SNTG1: variants seen among roughly 807,000 people sequenced by gnomAD.
SNTG1 encodes gamma-1-syntrophin.
SNTG1 carries 39 observed loss-of-function variants against 74.7 expected under a neutral mutation model. That is an observed-to-expected ratio of 0.52 (90% CI 0.40 to 0.68). The LOEUF (loss-of-function observed/expected upper bound fraction) is 0.68, where lower values mean the gene tolerates loss of function less well. Ranked by LOEUF, SNTG1 falls within the 30% of genes least tolerant of loss-of-function variation. SNTG1 has a pLI of 0.00. For missense variants in SNTG1, 685 were observed against 609.5 expected, an observed-to-expected ratio of 1.12 and a Z score of -1.30; for synonymous variants, 254 against 217.1, an observed-to-expected ratio of 1.17 and a Z score of -1.49.
intron 1 of SNTG1, among the ~76,000 whole-genome samples, chr8:50,025,264 T>TTTTAGATATCTATA (rs1470535556): frequency 6.6e-6 from 1 of 152,146 alleles, no homozygotes; most frequent in Non-Finnish European, 1.5e-5. Context: ...TATTCATTAA[T>TTTTAGATATCTATA]TTTAGATATC....
chr8:50,779,087 G>T (rs1177306263), intron 18 of SNTG1, among the ~76,000 whole-genome samples: 1 of 152,140 alleles, frequency 6.6e-6, no homozygotes, highest in African/African-American at 2.4e-5. Flanking sequence ...CCAGTACCAT[G>T]CTGTTTTGGT....
intron 2 of SNTG1, among the ~76,000 whole-genome samples, chr8:50,228,311 A>T (rs1413518533): frequency 1.3e-5 from 2 of 152,022 alleles, no homozygotes; most frequent in African/African-American, 4.8e-5. Flanking sequence ...AAACTATTAC[A>T]TACAGGTATG....
At chr8:50,784,303 T>C (rs2095668439) in intron 18 of SNTG1, among the ~76,000 whole-genome samples, 1 of 152,170 alleles carries the variant, frequency 6.6e-6, no homozygotes, top group South Asian at 2.1e-4. Context: ...TTATCCAAGC[T>C]TTATAGCTAA....
At chr8:50,111,135 A>G (rs1431789396) in intron 1 of SNTG1, among the ~76,000 whole-genome samples, 1 of 151,952 alleles carries the variant, frequency 6.6e-6, no homozygotes, top group African/African-American at 2.4e-5. Context: ...AATGCCTATG[A>G]GTGTTAGTGT....
At chr8:50,161,444 G>T (rs2082412908) in intron 1 of SNTG1, among the ~76,000 whole-genome samples, 1 of 152,164 alleles carries the variant, frequency 6.6e-6, no homozygotes, top group East Asian at 1.9e-4. Context: ...TCATGGCTTG[G>T]GGCATAAGAG....
intron 13 of SNTG1, among the ~76,000 whole-genome samples, chr8:50,625,146 C>T (rs914708341): frequency 2.0e-5 from 3 of 152,164 alleles, no homozygotes; most frequent in African/African-American, 7.2e-5. Context: ...CACATGTATA[C>T]ACTAAGTTCA....
chr8:50,251,490 C>A (rs868433219), intron 2 of SNTG1, among the ~76,000 whole-genome samples: 2 of 151,792 alleles, frequency 1.3e-5, no homozygotes, highest in Non-Finnish European at 2.9e-5. Flanking sequence ...AGATGCACTT[C>A]ACTGTTAAAC....
intron 9 of SNTG1, among the ~76,000 whole-genome samples, chr8:50,524,427 T>C (rs1000568232): frequency 2.0e-5 from 3 of 152,114 alleles, no homozygotes; most frequent in African/African-American, 4.8e-5. Flanking sequence ...CAAGAAATAA[T>C]CATGTTAATA....
intron 2 of SNTG1, among the ~76,000 whole-genome samples, chr8:50,363,331 T>A (rs1346271688): frequency 1.3e-5 from 2 of 152,104 alleles, no homozygotes; most frequent in African/African-American, 4.8e-5. Flanking sequence ...GCAAAGGTGG[T>A]GAATCTGGGA....
chr8:50,649,140 T>G (rs913364261), intron 13 of SNTG1, among the ~76,000 whole-genome samples: 1 of 152,184 alleles, frequency 6.6e-6, no homozygotes, highest in East Asian at 1.9e-4. Context: ...AGTTTATTGA[T>G]ATTTTCCACA....
At chr8:50,610,609 C>G (rs1368647362) in intron 13 of SNTG1, among the ~76,000 whole-genome samples, 1 of 152,146 alleles carries the variant, frequency 6.6e-6, no homozygotes, top group East Asian at 1.9e-4. Context: ...TTTGTTATTT[C>G]AGTTGTCAAA....
At chr8:50,382,302 T>C (rs1013450663) in intron 2 of SNTG1, 1 of 152,160 alleles carries the variant, frequency 6.6e-6, no homozygotes, top group African/African-American at 2.4e-5. Flanking sequence ...TTTTATAGTA[T>C]AACATAGAAA....
At chr8:50,283,420 C>A (rs1318573945) in intron 2 of SNTG1, among the ~76,000 whole-genome samples, 1 of 152,102 alleles carries the variant, frequency 6.6e-6, no homozygotes, top group African/African-American at 2.4e-5. Flanking sequence ...TGATTGTCTG[C>A]AGATGGCAAA....
At chr8:50,085,325 C>T (rs1264639397) in intron 1 of SNTG1, among the ~76,000 whole-genome samples, 2 of 152,184 alleles carry the variant, frequency 1.3e-5, no homozygotes, top group Non-Finnish European at 2.9e-5. Flanking sequence ...TGTCACAATT[C>T]ACAAAACTGA....
rs562160508 is a variant in SNTG1, at chr8:49,938,315, T to C, written c.-103+26084T>C. Among the ~76,000 whole-genome samples, 35 of 152,330 alleles carry C rather than the reference T, an allele frequency of 2.3e-4. 1 individual carries two copies. In the South Asian group the frequency reaches 5.6e-3, roughly 24 times the overall value. On this transcript the variant is annotated intron_variant, in intron 1 of 18. Coordinates refer to ENST00000642720, the MANE Select transcript of SNTG1 (RefSeq NM_018967.5). ...CTCAGTGTGTGCCAAGCATTTTGCATGCCTTAGCTAATTTAATCCACATAA... is the reference window on the plus strand; with the variant it reads ...CTCAGTGTGTGCCAAGCATTTTGCACGCCTTAGCTAATTTAATCCACATAA...
At chr8:50,076,461 C>T (rs1419336501) in intron 1 of SNTG1, among the ~76,000 whole-genome samples, 2 of 151,980 alleles carry the variant, frequency 1.3e-5, no homozygotes, top group Non-Finnish European at 2.9e-5. Flanking sequence ...CAAGAAGAAC[C>T]ATTTTGAGTG....
chr8:50,115,567 C>CAAAAAAAAAAAAAAAAAAAAAAAAAAA (rs11386539), intron 1 of SNTG1, among the ~76,000 whole-genome samples: 2 of 40,534 alleles, frequency 4.9e-5, no homozygotes, highest in African/African-American at 6.7e-5. Flanking sequence ...GACTCTGTCT[C>CAAAAAAAAAAAAAAAAAAAAAAAAAAA]AAAAAAAAAA....
intron 1 of SNTG1, among the ~76,000 whole-genome samples, chr8:50,112,515 C>T (rs79523988): frequency 2.4e-4 from 19 of 77,580 alleles, no homozygotes; most frequent in East Asian, 8.7e-4. Context: ...TTAGTTCTTT[C>T]TTTTTTTTTT....
intron 2 of SNTG1, among the ~76,000 whole-genome samples, chr8:50,377,083 T>G (rs535609104): frequency 6.6e-6 from 1 of 151,902 alleles, no homozygotes; most frequent in Non-Finnish European, 1.5e-5. Flanking sequence ...AATAAGCACA[T>G]AGAAAGGAGG....
Sources: allele counts gnomAD v4.1 joint callset (sites outside exome capture counted in the v4.1 genomes callset), GRCh38; gene constraint gnomAD v4.1.1; transcripts MANE v1.5; gene names NCBI Gene and HGNC (gene_info 2026-07-23, HGNC 2026-07-21).